CACNA1A: variants seen among roughly 807,000 people sequenced by gnomAD.
CACNA1A encodes voltage-dependent P/Q-type calcium channel subunit alpha-1A.
CACNA1A carries 57 observed loss-of-function variants against 262.4 expected under a neutral mutation model. The ratio of observed to expected loss-of-function variants is 0.22; its 90% confidence interval spans 0.18 to 0.27. The LOEUF (loss-of-function observed/expected upper bound fraction) is 0.27. Ranked by LOEUF, CACNA1A falls within the 10% of genes least tolerant of loss-of-function variation. CACNA1A has a pLI of 1.00. For missense variants in CACNA1A, 2,526 were observed against 3,562.8 expected, an observed-to-expected ratio of 0.71 and a Z score of 7.41; for synonymous variants, 1,431 against 1,419.3, an observed-to-expected ratio of 1.01 and a Z score of -0.18.
intron 1 of CACNA1A, among the ~76,000 whole-genome samples, chr19:13,505,031 G>GTGT (rs1982850834): frequency 6.6e-6 from 1 of 152,040 alleles, no homozygotes; most frequent in Non-Finnish European, 1.5e-5. Context: ...GATTCTCCTG[G>GTGT]TGTTCCCTCT....
intron 3 of CACNA1A, among the ~76,000 whole-genome samples, chr19:13,418,545 CA>C (rs953475364): frequency 3.9e-5 from 6 of 152,082 alleles, no homozygotes; most frequent in Non-Finnish European, 8.8e-5. Flanking sequence ...TAAATGCAGT[CA>C]TATGTATCCT....
At chr19:13,431,001 G>T (rs1478333488) in intron 3 of CACNA1A, among the ~76,000 whole-genome samples, 1 of 152,072 alleles carries the variant, frequency 6.6e-6, no homozygotes. Flanking sequence ...GTAAGGGACA[G>T]CAGGGAACTT....
Position 13,299,014 on chromosome 19 carries a change from G to A in CACNA1A, c.2619C>T (p.Gly873=), listed in dbSNP as rs761874927. The change falls in exon 19 of 47, where the codon GGC becomes GGT. Residue 873 remains glycine, a synonymous_variant. Transcript: ENST00000360228. ...RYHDRARDPS[G]SAGLDARRPW... is the part of the protein sequence containing the mutation. ...GCCTCCGTGCGTCCAGGCCCGCCGAGCCGCTGGGGTCCCGGGCCCGATCGT... is the reference window on the plus strand; with the variant it reads ...GCCTCCGTGCGTCCAGGCCCGCCGAACCGCTGGGGTCCCGGGCCCGATCGT... 1.5e-5 allele frequency: 24 copies of A among 1,587,678 alleles called. No homozygotes were observed. The highest frequency in any genetic ancestry group is 2.7e-5 in the African/African-American group (2 of 74,628).
intron 19 of CACNA1A, among the ~76,000 whole-genome samples, chr19:13,290,718 T>C (rs1183328910): frequency 6.6e-6 from 1 of 151,962 alleles, no homozygotes; most frequent in African/African-American, 2.4e-5. Flanking sequence ...TGGCCCTGTG[T>C]ATGTATATGT....
Position 13,422,132 on chromosome 19 carries a change from G to C in CACNA1A, c.539+30744C>G, listed in dbSNP as rs151069940. Among the ~76,000 whole-genome samples the C allele has an allele frequency of 4.0e-3, 612 of 152,188 alleles. 5 individuals are homozygous for C. Among genetic ancestry groups the C allele is most frequent in the African/African-American group, 0.014 (582 of 41,524 alleles). ...GCCCAGGAGTTTGAGACCAACCTGG[G>C]AAACATAGTGAGAACCCATCTTTAC... On this transcript the variant is annotated intron_variant, in intron 3 of 46. Transcript: ENST00000360228.
At chr19:13,273,844 C>T (rs2057083077) in intron 24 of CACNA1A, 1 of 151,936 alleles carries the variant, frequency 6.6e-6, no homozygotes, top group African/African-American at 2.4e-5. Context: ...ACCTCCTGGG[C>T]TCAAGCAATT....
At position 13,262,803 on chromosome 19, in the gene CACNA1A, C is replaced by T. The variant is rs370735316; in HGVS notation, c.4020G>A (p.Thr1340=). 7 of 1,612,976 alleles carry T rather than the reference C, an allele frequency of 4.3e-6. No homozygotes were observed. Among genetic ancestry groups the T allele is most frequent in the Non-Finnish European group, 5.1e-6 (6 of 1,179,408 alleles). ...CCCGGAGGACTCGGAGGGATTTAATCGTGTTGATGTCTTTTCCTTTGCTAT... is the reference window on the plus strand; with the variant it reads ...CCCGGAGGACTCGGAGGGATTTAATTGTGTTGATGTCTTTTCCTTTGCTAT... ...TGNSKGKDIN[T]IKSLRVLRVL... The change falls in exon 25 of 47, where the codon ACG becomes ACA. Residue 1340 remains threonine (T), a synonymous_variant. Transcript: ENST00000360228.
chr19:13,457,570 G>C (rs1442410487), intron 1 of CACNA1A, among the ~76,000 whole-genome samples: 1 of 152,206 alleles, frequency 6.6e-6, no homozygotes, highest in Non-Finnish European at 1.5e-5. Flanking sequence ...AATGAAGTAG[G>C]CCGGGTGCAG....
intron 3 of CACNA1A, among the ~76,000 whole-genome samples, chr19:13,379,305 T>C (rs2059472945): frequency 6.6e-6 from 1 of 151,172 alleles, no homozygotes; most frequent in Non-Finnish European, 1.5e-5. Context: ...GGTATGTACA[T>C]TTTTTTTTAG....
At chr19:13,466,278 T>C (rs1449192135) in intron 1 of CACNA1A, among the ~76,000 whole-genome samples, 3 of 151,900 alleles carry the variant, frequency 2.0e-5, no homozygotes, top group Admixed American at 6.6e-5. Flanking sequence ...CATTGCACTT[T>C]ACCCTGGGCG....
intron 5 of CACNA1A, among the ~76,000 whole-genome samples, chr19:13,360,564 G>A (rs1021214627): frequency 2.8e-5 from 4 of 144,184 alleles, no homozygotes; most frequent in East Asian, 2.1e-4. Flanking sequence ...TACAATCTCC[G>A]ACTCCCAGGT....
intron 4 of CACNA1A, among the ~76,000 whole-genome samples, chr19:13,370,159 G>A (rs868365402): frequency 2.6e-5 from 4 of 151,514 alleles, no homozygotes; most frequent in Admixed American, 6.6e-5. Flanking sequence ...GGAGTGCAGT[G>A]GCGTGATTTC....
At chr19:13,409,552 G>T (rs80019666) in intron 3 of CACNA1A, among the ~76,000 whole-genome samples, 7,447 of 152,034 alleles carry the variant, frequency 0.049, 626 homozygotes, top group African/African-American at 0.17. Context: ...AGAAGAATAA[G>T]AATTTCTTTT....
chr19:13,388,671 A>T (rs2059661382), intron 3 of CACNA1A, among the ~76,000 whole-genome samples: 1 of 152,096 alleles, frequency 6.6e-6, no homozygotes, highest in South Asian at 2.1e-4. Flanking sequence ...TCTCTTGTTT[A>T]TACCTTCATT....
intron 6 of CACNA1A, among the ~76,000 whole-genome samples, chr19:13,336,271 C>T (rs866329501): frequency 6.6e-6 from 1 of 152,166 alleles, no homozygotes; most frequent in Non-Finnish European, 1.5e-5. Flanking sequence ...TCCTTCTCTT[C>T]TCCCAACACA....
At chr19:13,428,614 T>C (rs1418496060) in intron 3 of CACNA1A, among the ~76,000 whole-genome samples, 1 of 152,176 alleles carries the variant, frequency 6.6e-6, no homozygotes, top group African/African-American at 2.4e-5. Context: ...ACAGGTGGCA[T>C]CGTTCCATTT....
intron 12 of CACNA1A, among the ~76,000 whole-genome samples, chr19:13,310,138 C>T (rs1045142187): frequency 1.3e-5 from 2 of 151,920 alleles, no homozygotes; most frequent in Admixed American, 6.6e-5. Context: ...GCCTTTTTAA[C>T]GTATTCAAGT....
At chr19:13,415,121 A>G (rs1348559722) in intron 3 of CACNA1A, among the ~76,000 whole-genome samples, 1 of 151,944 alleles carries the variant, frequency 6.6e-6, no homozygotes, top group Non-Finnish European at 1.5e-5. Context: ...CTGTATTCCC[A>G]GGGAGCTTAA....
At chr19:13,399,394 GAGAAGAAGAAGA>G (rs74375569) in intron 3 of CACNA1A, among the ~76,000 whole-genome samples, 6 of 143,552 alleles carry the variant, frequency 4.2e-5, no homozygotes, top group South Asian at 2.2e-4. Flanking sequence ...ATCCAAAAAT[GAGAAGAAGAAGA>G]AGAAGAAGAA....
Sources: allele counts gnomAD v4.1 joint callset (sites outside exome capture counted in the v4.1 genomes callset), GRCh38; gene constraint gnomAD v4.1.1; transcripts MANE v1.5; gene names NCBI Gene and HGNC (gene_info 2026-07-23, HGNC 2026-07-21).